Variants in WIZ observed in about 807,000 individuals in gnomAD.
The protein encoded by WIZ is WIZ zinc finger, also known as protein Wiz.
WIZ carries 25 observed loss-of-function variants against 140.2 expected under a neutral mutation model. The observed-to-expected ratio is 0.18, with a 90% CI of 0.13 to 0.25. The LOEUF is 0.25. WIZ is among the 10% of genes least tolerant of loss of function. The probability of loss-of-function intolerance (pLI) is 1.00; values close to 1 mark genes in which losing one functional copy is unlikely to be tolerated. For synonymous variants in WIZ, 1,125 were observed against 1,154.3 expected (o/e 0.97, Z 0.51); for missense variants, 2,231 against 2,632.6 (o/e 0.85, Z 3.34).
Position 15,427,485 on chromosome 19 carries a change from T to C in WIZ, c.3863A>G (p.Glu1288Gly). ...ARDIRCEFCG[E>G]FFENRKGLSS... ...GAGGCCCTTGCGGTTCTCGAAGAACTCACCACAGAACTCGCAGCGGATGTC... is the reference window on the plus strand; with the variant it reads ...GAGGCCCTTGCGGTTCTCGAAGAACCCACCACAGAACTCGCAGCGGATGTC... The change falls in exon 9 of 13, where the codon GAG becomes GGG. Residue 1288 changes from glutamate (E) to glycine (G), a missense_variant. By Grantham distance (98) the Glu-to-Gly change is moderately conservative. Around this residue, in one of 15 missense-constraint regions of WIZ, gnomAD observed 141 missense variants for 161.2 expected, o/e 0.87. Transcript: ENST00000673675. The surrounding 1 kb of genome is among the most constrained non-coding windows in gnomAD (Gnocchi z 6.4). 1 of 1,612,914 alleles carries C rather than the reference T, an allele frequency of 6.2e-7. No individual in the cohort carries two copies.
Position 15,428,554 on chromosome 19 carries a change from C to A in WIZ, c.3416-46G>T. 1 of 1,534,794 alleles carries A rather than the reference C, an allele frequency of 6.5e-7. No homozygotes were observed. Among genetic ancestry groups the A allele is most frequent in the South Asian group, 1.2e-5 (1 of 83,942 alleles). On this transcript the variant is annotated intron_variant, in intron 7 of 12. Transcript: ENST00000673675. The surrounding 1 kb of genome is among the most constrained non-coding windows in gnomAD (Gnocchi z 6.4). ...GGGGGTTCACGGCCGCCACCTTGGC[C>A]GGCCTTGGGGGCCTGAGGTAGGAGG...
chr19:15,426,909 G>A lies in WIZ; in HGVS notation c.4366+73C>T, dbSNP rs1568292012. 5.9e-6 allele frequency: 9 copies of A among 1,520,086 alleles called. 1 individual carries two copies. Among genetic ancestry groups the A allele is most frequent in the Non-Finnish European group, 6.2e-6 (7 of 1,129,992 alleles). The allele number at this position is 1,520,086 out of a possible 1,614,324, so 94.2% of individuals were successfully genotyped here. On this transcript the variant is annotated intron_variant, in intron 9 of 12. Coordinates refer to ENST00000673675, the MANE Select transcript of WIZ (RefSeq NM_001371589.1). ...TTCCAATTCAACCCTAGGCACTCTGGATACCCCCAAGGGGAGGCAGGGAGG... is the reference window on the plus strand; with the variant it reads ...TTCCAATTCAACCCTAGGCACTCTGAATACCCCCAAGGGGAGGCAGGGAGG...
Position 15,427,573 on chromosome 19 carries a change from C to G in WIZ, c.3815-40G>C. On this transcript the variant is annotated intron_variant, in intron 8 of 12. Coordinates refer to ENST00000673675, the MANE Select transcript of WIZ (RefSeq NM_001371589.1). The surrounding 1 kb of genome is among the most constrained non-coding windows in gnomAD (Gnocchi z 6.4). ...GAAAGGGGCAGTTAGCATCGTGGAA[C>G]TGCCAGCATGGTCACCTGCAGGAGT... The G allele has an allele frequency of 1.3e-6, 2 of 1,569,542 alleles. No individual in the cohort carries two copies. The highest frequency in any genetic ancestry group is 1.7e-6 in the Non-Finnish European group (2 of 1,157,286).
Position 15,442,563 on chromosome 19 carries a change from G to C in WIZ, c.278+113C>G. 1 of 830,100 alleles carries C rather than the reference G, an allele frequency of 1.2e-6. No homozygotes were observed. Among genetic ancestry groups the C allele is most frequent in the East Asian group, 3.3e-5 (1 of 29,902 alleles). The allele number at this position is 830,100 out of a possible 1,614,324, so 51.4% of individuals were successfully genotyped here. Reference sequence around the variant, plus strand: ...GGGAGCTGACTCCTCCTCCTGCCTGGCCTCCTGATTCCCTCCTGTCCCCTT... The same window carrying C: ...GGGAGCTGACTCCTCCTCCTGCCTGCCCTCCTGATTCCCTCCTGTCCCCTT... On this transcript the variant is annotated intron_variant, in intron 3 of 12. Coordinates refer to ENST00000673675, the MANE Select transcript of WIZ (RefSeq NM_001371589.1). The surrounding 1 kb of genome is among the most constrained non-coding windows in gnomAD (Gnocchi z 5.5).
intron 4 of WIZ, 120 bp downstream of exon 4, chr19:15,438,458 A>G: frequency 8.3e-7 from 1 of 1,202,318 alleles, no homozygotes; most frequent in Non-Finnish European, 1.1e-6. Context: ...GTGGCTCTCA[A>G]GTCTCTCAGG....
At chr19:15,444,220 G>A (rs1194101868) in intron 2 of WIZ, among the ~76,000 whole-genome samples, 4 of 152,212 alleles carry the variant, frequency 2.6e-5, no homozygotes, top group Non-Finnish European at 4.4e-5. Context: ...ATTGAGAGCT[G>A]ACTGCTGAGA....
In WIZ at chr19:15,425,626, G is replaced by A. The variant is rs952464462; in HGVS notation, c.4509C>T (p.Ile1503=). The change falls in exon 10 of 13, where the codon ATC becomes ATT. Residue 1503 remains isoleucine (I), a synonymous_variant. Coordinates refer to ENST00000673675, the MANE Select transcript of WIZ (RefSeq NM_001371589.1). ...VTEWSVNGSP[I]DTLREILKKK... ...TCTTGAGGATCTCTCGCAGTGTGTC[G>A]ATGGGCGAACCATTGACGGACCACT... 3.7e-6 allele frequency: 6 copies of A among 1,613,458 alleles called. No homozygotes were observed. Among genetic ancestry groups the A allele is most frequent in the African/African-American group, 1.3e-5 (1 of 74,762 alleles).
rs767330531 is a variant in WIZ, at chr19:15,428,267, G to A, written c.3657C>T (p.Ser1219=). 14 of 1,527,412 alleles carry A rather than the reference G, an allele frequency of 9.2e-6. No homozygotes were observed. Among genetic ancestry groups the A allele is most frequent in the East Asian group, 4.9e-5 (2 of 40,792 alleles). 94.6% of individuals were successfully genotyped at this position (1,527,412 alleles called of 1,614,324 possible). A position where few individuals can be genotyped will look rare whatever the true frequency, so the allele number is the denominator to read the frequency against. The change falls in exon 8 of 13, where the codon TCC becomes TCT. Residue 1219 remains serine (S), a synonymous_variant. Transcript: ENST00000673675. The surrounding 1 kb of genome is among the most constrained non-coding windows in gnomAD (Gnocchi z 6.4). ...GGGGGGGAAGCAAGGAGAGGGCCGCGGAGGTGGGAGGCGGCCGCCCCGGGT... is the reference window on the plus strand; with the variant it reads ...GGGGGGGAAGCAAGGAGAGGGCCGCAGAGGTGGGAGGCGGCCGCCCCGGGT... ...LAHPGRPPPT[S]AALSLLPPPP...
rs955512156 is a variant in WIZ, at chr19:15,428,538, C to T, written c.3416-30G>A. The T allele has an allele frequency of 1.8e-5, 28 of 1,534,754 alleles. No individual in the cohort carries two copies. Among genetic ancestry groups the T allele is most frequent in the Non-Finnish European group, 2.3e-5 (26 of 1,146,612 alleles). On this transcript the variant is annotated intron_variant, in intron 7 of 12. Coordinates refer to ENST00000673675, the MANE Select transcript of WIZ (RefSeq NM_001371589.1). The surrounding 1 kb of genome is among the most constrained non-coding windows in gnomAD (Gnocchi z 6.4). The stretch of plus-strand genomic sequence containing the variant: ...GGAGACAAAACACAGGGGGGGTTCA[C>T]GGCCGCCACCTTGGCCGGCCTTGGG...
chr19:15,431,248 G>A (rs1599676673), intron 5 of WIZ, 66 bp from the exon 6 acceptor site: 2 of 1,424,242 alleles, frequency 1.4e-6, no homozygotes, highest in African/African-American at 1.4e-5. Flanking sequence ...GAACTAAGAA[G>A]ATGGCCTTCT....
Position 15,427,670 on chromosome 19 carries a change from G to C in WIZ, c.3815-137C>G, listed in dbSNP as rs1328176763. 2.0e-6 allele frequency: 2 copies of C among 993,746 alleles called. No individual in the cohort carries two copies. Among genetic ancestry groups the C allele is most frequent in the African/African-American group, 3.3e-5 (2 of 61,070 alleles). The allele number at this position is 993,746 out of a possible 1,614,324, so 61.6% of individuals were successfully genotyped here. On this transcript the variant is annotated intron_variant, in intron 8 of 12. Transcript: ENST00000673675. The surrounding 1 kb of genome is among the most constrained non-coding windows in gnomAD (Gnocchi z 6.4). ...GGGTGGTGAGGGCAGGTGCAGGTAA[G>C]GGAGTGGAGGAGCGGGGCTGGGGGC...
chr19:15,448,996 T>C (rs1328853972), intron 1 of WIZ, among the ~76,000 whole-genome samples: 1 of 150,450 alleles, frequency 6.6e-6, no homozygotes, highest in East Asian at 2.0e-4. Flanking sequence ...GCATTAACCC[T>C]TTCGCTTCTC....
chr19:15,428,047 C>T lies in WIZ; in HGVS notation c.3814+63G>A. The T allele has an allele frequency of 1.3e-6, 2 of 1,500,982 alleles. No individual in the cohort carries two copies. The highest frequency in any genetic ancestry group is 1.3e-5 in the South Asian group (1 of 79,990). 93.0% of individuals were successfully genotyped at this position (1,500,982 alleles called of 1,614,324 possible). On this transcript the variant is annotated intron_variant, in intron 8 of 12. Transcript: ENST00000673675. This position sits in a 1 kb window ranked among gnomAD's most constrained non-coding sequence, Gnocchi z 6.4. Reference sequence around the variant, plus strand: ...GCCCCAGCAGGGAGGGGGCTGTGACCCCCCCCCCGGGAGGGGCTCCAGGGC... The same window carrying T: ...GCCCCAGCAGGGAGGGGGCTGTGACTCCCCCCCCGGGAGGGGCTCCAGGGC...
Position 15,427,298 on chromosome 19 carries a change from C to T in WIZ, c.4050G>A (p.Lys1350=). ...PPGPSPKALA[K]MMGGAGPGSS... ...TGCCAGGACCTGCGCCGCCCATCAT[C>T]TTGGCCAGGGCTTTTGGGCTTGGCC... is the stretch of plus-strand genomic sequence containing the variant. The change falls in exon 9 of 13, where the codon AAG becomes AAA. Residue 1350 remains lysine, a synonymous_variant. Transcript: ENST00000673675. This position sits in a 1 kb window ranked among gnomAD's most constrained non-coding sequence, Gnocchi z 6.4. 6.2e-7 allele frequency: 1 copy of T among 1,613,748 alleles called. No homozygotes were observed. Among genetic ancestry groups the T allele is most frequent in the Non-Finnish European group, 8.5e-7 (1 of 1,179,894 alleles).
In WIZ at chr19:15,439,660, G is replaced by A; in HGVS notation, c.1334C>T (p.Pro445Leu). 1 of 1,501,236 alleles carries A rather than the reference G, an allele frequency of 6.7e-7. No individual in the cohort carries two copies. The highest frequency in any genetic ancestry group is 1.4e-5 in the African/African-American group (1 of 71,482). The allele number at this position is 1,501,236 out of a possible 1,614,324, so 93.0% of individuals were successfully genotyped here. The change falls in exon 4 of 13, where the codon CCC becomes CTC. Residue 445 changes from proline to leucine, a missense_variant. Pro to Leu is a moderately conservative substitution (Grantham distance 98). Coordinates refer to ENST00000673675, the MANE Select transcript of WIZ (RefSeq NM_001371589.1). The surrounding 1 kb of genome is among the most constrained non-coding windows in gnomAD (Gnocchi z 7.0). ...PFGGSSGAGS[P>L]SPEASALLYQ... is the part of the protein sequence containing the mutation. ...GAGGAGGGCGCTGGCCTCAGGGCTG[G>A]GGCTGCCAGCCCCGCTGCTGCCTCC... is the stretch of plus-strand genomic sequence containing the variant.
chr19:15,424,219 A>T lies in WIZ; in HGVS notation c.5474T>A (p.Val1825Asp). The change falls in exon 12 of 13, where the codon GTC becomes GAC. Residue 1825 changes from valine to aspartate, a missense_variant. By Grantham distance (152) the Val-to-Asp change is radical (BLOSUM62 -3). Coordinates refer to ENST00000673675, the MANE Select transcript of WIZ (RefSeq NM_001371589.1). The surrounding 1 kb of genome is among the most constrained non-coding windows in gnomAD (Gnocchi z 9.7). ...GGTGTAGATGTTGCCCACGAACTTG[A>T]CAAGTGATGTCTGGGGGGGCCGGGG... Reference protein sequence around the residue: ...LVPRPPQTSLVKFVGNIYTLK... With the variant: ...LVPRPPQTSLDKFVGNIYTLK... 6.4e-7 allele frequency: 1 copy of T among 1,568,152 alleles called. No individual in the cohort carries two copies. Among genetic ancestry groups the T allele is most frequent in the Non-Finnish European group, 8.6e-7 (1 of 1,159,794 alleles).
chr19:15,438,524 G>A (rs934714998), intron 4 of WIZ, 54 bp downstream of exon 4: 10 of 1,442,076 alleles, frequency 6.9e-6, no homozygotes, highest in South Asian at 1.4e-5. Context: ...TTAGATCAAC[G>A]GTGGGTTGCC....
At position 15,428,612 on chromosome 19, in the gene WIZ, G is replaced by GA. The variant is rs1969015626; in HGVS notation, c.3416-105_3416-104insT. 4 of 1,386,126 alleles carry GA rather than the reference G, an allele frequency of 2.9e-6. No homozygotes were observed. Among genetic ancestry groups the GA allele is most frequent in the Non-Finnish European group, 3.9e-6 (4 of 1,021,416 alleles). The allele number at this position is 1,386,126 out of a possible 1,614,324, so 85.9% of individuals were successfully genotyped here. A position where few individuals can be genotyped will look rare whatever the true frequency, so the allele number is the denominator to read the frequency against. On this transcript the variant is annotated intron_variant, in intron 7 of 12. Coordinates refer to ENST00000673675, the MANE Select transcript of WIZ (RefSeq NM_001371589.1). The surrounding 1 kb of genome is among the most constrained non-coding windows in gnomAD (Gnocchi z 6.4). ...GTGATTTTTGGCTGCTCAGGCAGTT[G>GA]GGGGGTCCAAGACTCAGGCCGCAGA... is the stretch of plus-strand genomic sequence containing the variant.
rs1389812539 is a variant in WIZ, at chr19:15,422,571, C to G, written c.*505G>C. Reference sequence around the variant, plus strand: ...GGCTTCCCCTGAGCAAGCACCGTGGCATGATGTGGTCGTTCAACCCAGGAA... The same window carrying G: ...GGCTTCCCCTGAGCAAGCACCGTGGGATGATGTGGTCGTTCAACCCAGGAA... On this transcript the variant is annotated 3_prime_UTR_variant, in exon 13 of 13. Transcript: ENST00000673675. 6.5e-6 allele frequency: 1 copy of G among 153,388 alleles called. No individual in the cohort carries two copies. Among genetic ancestry groups the G allele is most frequent in the African/African-American group, 2.4e-5 (1 of 41,500 alleles). The allele number at this position is 153,388 out of a possible 1,614,324, so 9.5% of individuals were successfully genotyped here.
Sources: gnomAD v4.1 joint callset for allele counts (sites outside exome capture counted in the v4.1 genomes callset) on GRCh38, gnomAD v4.1.1 for gene constraint, gnomAD v4.1.1 regional missense constraint, Gnocchi (gnomAD v3.1) non-coding constraint, MANE v1.5 for transcripts, NCBI Gene and HGNC (gene_info 2026-07-23, HGNC 2026-07-21) for gene names.